The following GABRA3 variants were observed in gnomAD, a reference collection of about 807,000 sequenced individuals.
GABRA3 encodes gamma-aminobutyric acid type A receptor subunit alpha3, also known as gamma-aminobutyric acid receptor subunit alpha-3.
A neutral mutation model predicts 30.1 loss-of-function variants in GABRA3; 10 were observed. The observed-to-expected ratio is 0.33, with a 90% CI of 0.20 to 0.56. The LOEUF (loss-of-function observed/expected upper bound fraction) is 0.56, where lower values mean the gene tolerates loss of function less well. GABRA3 is among the 20% of genes least tolerant of loss of function. The probability of loss-of-function intolerance (pLI) is 0.89; values close to 1 mark genes in which losing one functional copy is unlikely to be tolerated. For missense variants in GABRA3, 233 were observed against 392.0 expected, an observed-to-expected ratio of 0.59 and a Z score of 3.42; for synonymous variants, 151 against 146.8, an observed-to-expected ratio of 1.03 and a Z score of -0.21.
At chrX:152,372,388 G>A (rs1928865095) in intron 1 of GABRA3, among the ~76,000 whole-genome samples, 1 of 111,590 alleles carries the variant, frequency 9.0e-6, no homozygotes, top group African/African-American at 3.3e-5. Context: ...AAGGGACTTT[G>A]TACTTGCTCT....
intron 1 of GABRA3, among the ~76,000 whole-genome samples, chrX:152,382,223 A>C (rs1426681044): frequency 8.9e-6 from 1 of 112,534 alleles, no homozygotes; most frequent in Admixed American, 9.4e-5. Flanking sequence ...TCAAAACCAC[A>C]ATGAGATACC....
intron 5 of GABRA3, among the ~76,000 whole-genome samples, chrX:152,225,220 G>A (rs1292955901): frequency 9.1e-6 from 1 of 110,196 alleles, no homozygotes; most frequent in Non-Finnish European, 1.9e-5. Flanking sequence ...TTCTCAGCAG[G>A]CTATTCTGTG....
intron 3 of GABRA3, among the ~76,000 whole-genome samples, chrX:152,320,202 C>A (rs1184841097): frequency 2.7e-5 from 3 of 111,532 alleles, no homozygotes; most frequent in Admixed American, 9.5e-5. Context: ...ACCATTTTAT[C>A]CAGCAATCCC....
At chrX:152,429,587 C>T (rs1370882946) in intron 1 of GABRA3, among the ~76,000 whole-genome samples, 7 of 111,805 alleles carry the variant, frequency 6.3e-5, no homozygotes. Context: ...TCCATTGGCT[C>T]CATTCACCCC....
chrX:152,379,131 G>T (rs896182096), intron 1 of GABRA3, among the ~76,000 whole-genome samples: 1 of 111,289 alleles, frequency 9.0e-6, no homozygotes, highest in African/African-American at 3.3e-5. Context: ...TGGAAATATG[G>T]AGAATACCAT....
At chrX:152,415,034 G>A (rs1285985098) in intron 1 of GABRA3, among the ~76,000 whole-genome samples, 1 of 110,910 alleles carries the variant, frequency 9.0e-6, no homozygotes. Context: ...GAGTTAAGTA[G>A]GTGGGCCACT....
intron 1 of GABRA3, among the ~76,000 whole-genome samples, chrX:152,418,282 G>A (rs1243037087): frequency 9.0e-6 from 1 of 111,167 alleles, no homozygotes; most frequent in Non-Finnish European, 1.9e-5. Context: ...CTGTTGAATG[G>A]GCCATGAAGC....
intron 6 of GABRA3, among the ~76,000 whole-genome samples, chrX:152,214,108 A>T (rs1937673083): frequency 9.0e-6 from 1 of 110,769 alleles, no homozygotes; most frequent in Non-Finnish European, 1.9e-5. Flanking sequence ...TCCAGTGTGT[A>T]TTATTCCACT....
intron 5 of GABRA3, among the ~76,000 whole-genome samples, chrX:152,240,133 C>T (rs1486148685): frequency 1.4e-4 from 14 of 102,253 alleles, no homozygotes; most frequent in Admixed American, 2.1e-4. Context: ...CAGCTGGTAC[C>T]GGTTGTTCCT....
chrX:152,422,683 G>A (rs906057489), intron 1 of GABRA3, among the ~76,000 whole-genome samples: 2 of 111,336 alleles, frequency 1.8e-5, no homozygotes, highest in African/African-American at 6.5e-5. Flanking sequence ...TTTCTATAAT[G>A]TAATGTACTT....
intron 1 of GABRA3, among the ~76,000 whole-genome samples, chrX:152,427,595 G>A (rs1407824583): frequency 8.9e-6 from 1 of 111,849 alleles, no homozygotes; most frequent in East Asian, 2.8e-4. Context: ...CTTTTCCACA[G>A]CATTCGGCTC....
chrX:152,435,587 G>A (rs1239846863), intron 1 of GABRA3, among the ~76,000 whole-genome samples: 1 of 104,623 alleles, frequency 9.6e-6, no homozygotes, highest in African/African-American at 3.5e-5. Context: ...ACACACTGGG[G>A]CCTGTCAGGG....
intron 4 of GABRA3, among the ~76,000 whole-genome samples, chrX:152,282,769 G>T (rs1301860851): frequency 9.0e-6 from 1 of 111,664 alleles, no homozygotes; most frequent in Non-Finnish European, 1.9e-5. Flanking sequence ...TCTCTGGTAT[G>T]CCTGGGTTTA....
At chrX:152,394,573 T>C (rs1231824467) in intron 1 of GABRA3, 2 of 358,461 alleles carry the variant, frequency 5.6e-6, no homozygotes, top group Admixed American at 2.7e-5. Flanking sequence ...CTCATCACAA[T>C]AGTGAAAGAC....
At chrX:152,371,574 T>C (rs1019107244) in intron 1 of GABRA3, among the ~76,000 whole-genome samples, 10 of 111,014 alleles carry the variant, frequency 9.0e-5, no homozygotes, top group African/African-American at 3.3e-4. Flanking sequence ...TGATGCAATA[T>C]CATCGATCAT....
intron 3 of GABRA3, among the ~76,000 whole-genome samples, chrX:152,300,952 A>T (rs1019936562): frequency 1.4e-4 from 16 of 111,990 alleles, no homozygotes; most frequent in East Asian, 2.8e-4. Context: ...GCAGAAAAAA[A>T]TTTTTTTGAA....
At chrX:152,200,589 C>G (rs765369159) in intron 7 of GABRA3, among the ~76,000 whole-genome samples, 2 of 110,280 alleles carry the variant, frequency 1.8e-5, no homozygotes, top group African/African-American at 6.6e-5. Context: ...ACTCTCTCCC[C>G]ACTGAGAAGG....
chrX:152,186,768 T>C (rs1301080563), intron 9 of GABRA3: 2 of 109,567 alleles, frequency 1.8e-5, no homozygotes, highest in African/African-American at 6.7e-5. Context: ...ACTACAGGCA[T>C]ATGCACCCAT....
chrX:152,317,626 A>G (rs761161870), intron 3 of GABRA3, among the ~76,000 whole-genome samples: 1 of 112,021 alleles, frequency 8.9e-6, no homozygotes, highest in Admixed American at 9.5e-5. Context: ...ACTCTCTCAG[A>G]CCACAGTGGA....
Sources: gnomAD v4.1 joint callset for allele counts (sites outside exome capture counted in the v4.1 genomes callset) on GRCh38, gnomAD v4.1.1 for gene constraint, MANE v1.5 for transcripts, NCBI Gene and HGNC (gene_info 2026-07-23, HGNC 2026-07-21) for gene names.